Variants in GLIS3 observed in about 807,000 individuals in gnomAD.
GLIS3 encodes the protein zinc finger protein GLIS3.
Under a neutral mutation model 78.6 loss-of-function variants are expected in GLIS3, and 53 were observed. That is an observed-to-expected ratio of 0.67 (90% CI 0.54 to 0.85). GLIS3 has a LOEUF of 0.85. GLIS3 is among the 40% of genes least tolerant of loss of function. GLIS3 has a pLI of 0.00. For synonymous variants in GLIS3, 684 were observed against 509.9 expected (o/e 1.34, Z -4.60); for missense variants, 1,703 against 1,231.1 (o/e 1.38, Z -5.74).
chr9:4,311,210 A>G (rs1250917373), intron 2 of GLIS3, among the ~76,000 whole-genome samples: 5 of 152,120 alleles, frequency 3.3e-5, no homozygotes, highest in African/African-American at 4.8e-5. Context: ...GGAGTTCAAG[A>G]CCAGCCTGGC....
chr9:4,139,218 A>G (rs1363714341), intron 2 of GLIS3, among the ~76,000 whole-genome samples: 1 of 152,190 alleles, frequency 6.6e-6, no homozygotes, highest in Non-Finnish European at 1.5e-5. Context: ...AAGCCAAACA[A>G]AAGCAGAGGC....
chr9:3,870,858 C>T (rs1248893634), intron 8 of GLIS3, among the ~76,000 whole-genome samples: 1 of 152,248 alleles, frequency 6.6e-6, no homozygotes, highest in African/African-American at 2.4e-5. Flanking sequence ...TCATGCCTTC[C>T]TAACAGTTCC....
At chr9:4,088,746 T>C (rs1829249727) in intron 4 of GLIS3, among the ~76,000 whole-genome samples, 2 of 152,250 alleles carry the variant, frequency 1.3e-5, no homozygotes, top group Admixed American at 1.3e-4. Context: ...TTGTAAATTT[T>C]AGTGCCTTTT....
intron 2 of GLIS3, among the ~76,000 whole-genome samples, chr9:4,197,725 G>T (rs1302941732): frequency 1.3e-5 from 2 of 152,138 alleles, no homozygotes; most frequent in Non-Finnish European, 2.9e-5. Context: ...AGTCAGTAGA[G>T]AGTTTCTGCC....
intron 2 of GLIS3, among the ~76,000 whole-genome samples, chr9:4,235,315 A>G (rs991838744): frequency 2.6e-4 from 39 of 150,034 alleles, no homozygotes; most frequent in Non-Finnish European, 4.5e-4. Flanking sequence ...AAAAAAAAAA[A>G]ACTGATGGGG....
chr9:4,276,229 G>C (rs925117221), intron 2 of GLIS3, among the ~76,000 whole-genome samples: 2 of 149,360 alleles, frequency 1.3e-5, no homozygotes, highest in African/African-American at 5.0e-5. Flanking sequence ...GTTGCAGTGA[G>C]CCCAGATAGT....
chr9:3,973,237 C>G (rs538040829), intron 4 of GLIS3, among the ~76,000 whole-genome samples: 45 of 152,246 alleles, frequency 3.0e-4, no homozygotes, highest in African/African-American at 9.9e-4. Flanking sequence ...ACACGGAGTA[C>G]TGCCATCCAG....
chr9:4,289,472 A>G (rs1828268832), intron 1 of GLIS3, among the ~76,000 whole-genome samples: 1 of 152,180 alleles, frequency 6.6e-6, no homozygotes, highest in South Asian at 2.1e-4. Context: ...CTAACCATGA[A>G]CAACAAATTT....
At chr9:4,189,922 G>C (rs187566309) in intron 2 of GLIS3, among the ~76,000 whole-genome samples, 82 of 152,134 alleles carry the variant, frequency 5.4e-4, no homozygotes, top group African/African-American at 1.9e-3. Flanking sequence ...CAGGCAAACA[G>C]CGTCTGGAGT....
chr9:4,151,642 G>C (rs966387224), intron 2 of GLIS3, among the ~76,000 whole-genome samples: 2 of 152,188 alleles, frequency 1.3e-5, no homozygotes, highest in Non-Finnish European at 2.9e-5. Flanking sequence ...TTTGCACTGA[G>C]GGGATTTCTT....
chr9:4,033,910 A>G (rs1824088738), intron 4 of GLIS3, among the ~76,000 whole-genome samples: 1 of 146,472 alleles, frequency 6.8e-6, no homozygotes, highest in South Asian at 2.2e-4. Context: ...GATAGGTCCT[A>G]TCTGCATTTC....
chr9:3,992,684 A>C (rs967271188), intron 4 of GLIS3, among the ~76,000 whole-genome samples: 1 of 152,238 alleles, frequency 6.6e-6, no homozygotes, highest in Non-Finnish European at 1.5e-5. Flanking sequence ...AAAAATTTTC[A>C]TCGTAAGAGT....
intron 2 of GLIS3, among the ~76,000 whole-genome samples, chr9:4,158,252 G>A (rs145994515): frequency 2.6e-5 from 4 of 152,118 alleles, no homozygotes; most frequent in East Asian, 1.9e-4. Flanking sequence ...TTGGAAAGAC[G>A]AGCTTTTAGC....
rs757449299 is a variant in GLIS3 at position 4,286,460 on chromosome 9, C to T, written c.-35G>A. 28 of 1,611,472 alleles carry T rather than the reference C, an allele frequency of 1.7e-5. No individual in the cohort carries two copies. The highest frequency in any genetic ancestry group is 1.7e-6 in the Non-Finnish European group (2 of 1,179,640). On this transcript the variant is annotated 5_prime_UTR_variant, in exon 2 of 11. Coordinates refer to ENST00000381971, the MANE Select transcript of GLIS3 (RefSeq NM_001042413.2). The stretch of plus-strand genomic sequence containing the variant: ...CCTGTGGCCAAGACGGTCAAATATC[C>T]AATGTCACTAATGACTCCTTTCAGG...
the GLIS3 span, among the ~76,000 whole-genome samples, chr9:4,433,651 C>T: frequency 1.3e-5 from 2 of 152,212 alleles, no homozygotes; most frequent in African/African-American, 4.8e-5. Flanking sequence ...GCCTTCGTTT[C>T]TAGATCCCTA....
chr9:3,945,389 C>T (rs750330472), intron 4 of GLIS3, among the ~76,000 whole-genome samples: 2 of 152,116 alleles, frequency 1.3e-5, no homozygotes, highest in African/African-American at 4.8e-5. Context: ...GTATACCAAG[C>T]GACCAATTCC....
intron 8 of GLIS3, among the ~76,000 whole-genome samples, chr9:3,859,553 C>T (rs543451657): frequency 2.0e-5 from 3 of 152,290 alleles, no homozygotes; most frequent in African/African-American, 7.2e-5. Context: ...CATTTTCCCT[C>T]TTATGGAGTA....
At chr9:4,091,828 A>G (rs1343598136) in intron 4 of GLIS3, among the ~76,000 whole-genome samples, 1 of 152,206 alleles carries the variant, frequency 6.6e-6, no homozygotes, top group African/African-American at 2.4e-5. Flanking sequence ...GCAGCGTGAG[A>G]AACAGAATAA....
At chr9:3,844,934 A>C (rs546091852) in intron 9 of GLIS3, among the ~76,000 whole-genome samples, 6 of 152,348 alleles carry the variant, frequency 3.9e-5, no homozygotes, top group South Asian at 4.1e-4. Flanking sequence ...TGTGCTGCTG[A>C]TGAGAGTCTA....
Sources: gnomAD v4.1 joint callset for allele counts (sites outside exome capture counted in the v4.1 genomes callset) on GRCh38, gnomAD v4.1.1 for gene constraint, MANE v1.5 for transcripts, NCBI Gene and HGNC (gene_info 2026-07-23, HGNC 2026-07-21) for gene names.